The following APBB2 variants were observed in gnomAD, a reference collection of about 807,000 sequenced individuals.
The protein encoded by APBB2 is Fe65-like 1.
In APBB2, 38 loss-of-function variants were observed where a neutral mutation model predicts 82.5. The observed-to-expected ratio is 0.46, with a 90% confidence interval of 0.36 to 0.60. The LOEUF (loss-of-function observed/expected upper bound fraction) is 0.60. Ranked by LOEUF, APBB2 falls within the 20% of genes least tolerant of loss-of-function variation. APBB2 has a pLI of 0.00. For synonymous variants in APBB2, 341 were observed against 368.2 expected, an observed-to-expected ratio of 0.93 and a Z score of 0.85; for missense variants, 772 against 972.3, an observed-to-expected ratio of 0.79 and a Z score of 2.74.
chr4:41,121,813 C>G (rs758496754), intron 2 of APBB2, among the ~76,000 whole-genome samples: 1 of 152,258 alleles, frequency 6.6e-6, no homozygotes, highest in East Asian at 1.9e-4. Flanking sequence ...CCGGATGCAG[C>G]CACGTCTTTG....
At chr4:40,858,859 C>T (rs1033083872) in intron 12 of APBB2, among the ~76,000 whole-genome samples, 8 of 152,210 alleles carry the variant, frequency 5.3e-5, no homozygotes, top group African/African-American at 1.9e-4. Flanking sequence ...GAGTTATTGA[C>T]AGTAAACTGC....
intron 7 of APBB2, among the ~76,000 whole-genome samples, chr4:40,942,964 C>A (rs1488988756): frequency 3.3e-5 from 5 of 152,174 alleles, no homozygotes; most frequent in Non-Finnish European, 7.4e-5. Flanking sequence ...GTCCACACAC[C>A]CCCGCCTGGG....
intron 6 of APBB2, among the ~76,000 whole-genome samples, chr4:41,010,062 G>A (rs1807887212): frequency 6.6e-6 from 1 of 152,136 alleles, no homozygotes; most frequent in African/African-American, 2.4e-5. Context: ...AAAGCAAAGT[G>A]ATTTCATTTC....
Position 40,945,022 on chromosome 4 carries a change from C to T in APBB2, c.887G>A (p.Gly296Asp). 6.2e-7 allele frequency: 1 copy of T among 1,612,200 alleles called. No homozygotes were observed. The highest frequency in any genetic ancestry group is 8.5e-7 in the Non-Finnish European group (1 of 1,179,812). Residue 296 changes from glycine (G) to aspartate (D), a missense_variant, in exon 7 of 18, where the codon GGC becomes GAC. By Grantham distance (94) the Gly-to-Asp change is moderately conservative. Coordinates refer to ENST00000508593, the MANE Select transcript of APBB2 (RefSeq NM_004307.2). ...SFQTDPDLPP[G>D]WKRVSDIAGT... ...GGCAATGTCACTGACTCTTTTCCAG[C>T]CAGGCGGCAAATCTGGATCAGTCTG...
At chr4:41,213,329 A>C (rs1235661133) in intron 1 of APBB2, among the ~76,000 whole-genome samples, 1 of 152,110 alleles carries the variant, frequency 6.6e-6, no homozygotes, top group South Asian at 2.1e-4. Context: ...GGACTTAAAC[A>C]AACTGTCCCC....
At chr4:41,102,303 T>C (rs1745743334) in intron 2 of APBB2, among the ~76,000 whole-genome samples, 1 of 152,234 alleles carries the variant, frequency 6.6e-6, no homozygotes, top group Admixed American at 6.5e-5. Flanking sequence ...CCATTGTTAC[T>C]GCCAACATTT....
At chr4:40,979,982 G>A (rs1034180776) in intron 6 of APBB2, among the ~76,000 whole-genome samples, 2 of 152,132 alleles carry the variant, frequency 1.3e-5, no homozygotes, top group African/African-American at 4.8e-5. Flanking sequence ...AGGTTTTTTG[G>A]AACAAAACCA....
chr4:40,874,675 A>G (rs1446250884), intron 12 of APBB2, among the ~76,000 whole-genome samples: 10 of 152,202 alleles, frequency 6.6e-5, no homozygotes, highest in Admixed American at 6.5e-5. Flanking sequence ...AATGAAGCCA[A>G]TAATATGTCT....
At position 41,139,957 on chromosome 4, in the gene APBB2, T is replaced by G. The variant is rs375943991; in HGVS notation, c.-261+3030A>C. On this transcript the variant is annotated intron_variant, in intron 2 of 17. Coordinates refer to ENST00000508593, the MANE Select transcript of APBB2 (RefSeq NM_004307.2). ...GCTCATCAATTATAATATACCACAC[T>G]AATGCAAGACACTAATGATATAGGA... 1.2e-4 allele frequency among the ~76,000 whole-genome samples: 19 copies of G among 152,276 alleles called. No individual in the cohort carries two copies. The East Asian group carries it at 1.9e-3, about 15-fold the overall frequency.
intron 6 of APBB2, among the ~76,000 whole-genome samples, chr4:40,964,510 C>T (rs531398674): frequency 2.6e-5 from 4 of 151,156 alleles, no homozygotes; most frequent in African/African-American, 7.4e-5. Flanking sequence ...CCAGCAATAT[C>T]GAGAGTGTAT....
chr4:41,140,569 T>C (rs1758826997), intron 2 of APBB2, among the ~76,000 whole-genome samples: 3 of 152,204 alleles, frequency 2.0e-5, no homozygotes, highest in African/African-American at 7.2e-5. Flanking sequence ...TGTGAATACT[T>C]ATCTGGCCTA....
chr4:40,851,158 G>A (rs947907727), intron 12 of APBB2, among the ~76,000 whole-genome samples: 3 of 152,108 alleles, frequency 2.0e-5, no homozygotes, highest in Admixed American at 2.0e-4. Flanking sequence ...ACCAATTGAG[G>A]GACTCTGCAA....
intron 2 of APBB2, among the ~76,000 whole-genome samples, chr4:41,106,712 G>A (rs569856214): frequency 1.3e-5 from 2 of 152,216 alleles, no homozygotes; most frequent in South Asian, 2.1e-4. Flanking sequence ...TCCTGACCTC[G>A]TGATCCGCCC....
At chr4:41,195,441 T>C in intron 1 of APBB2, among the ~76,000 whole-genome samples, 1 of 152,016 alleles carries the variant, frequency 6.6e-6, no homozygotes, top group South Asian at 2.1e-4. Flanking sequence ...CAGAATCCAG[T>C]CATTTCTTGC....
At chr4:40,935,031 G>T in intron 8 of APBB2, 46 bp downstream of exon 8, 1 of 1,399,974 alleles carries the variant, frequency 7.1e-7, no homozygotes, top group Non-Finnish European at 9.7e-7. Flanking sequence ...CAGCCATGCA[G>T]AAAGGATAAA....
chr4:41,105,276 C>T (rs73810829), intron 2 of APBB2, among the ~76,000 whole-genome samples: 1,978 of 152,204 alleles, frequency 0.013, 37 homozygotes, highest in African/African-American at 0.046. Flanking sequence ...CAAAAACAAA[C>T]CCTTATGTTT....
chr4:40,906,349 A>T (rs1412424606), intron 10 of APBB2, among the ~76,000 whole-genome samples: 2 of 151,086 alleles, frequency 1.3e-5, no homozygotes, highest in Non-Finnish European at 2.9e-5. Flanking sequence ...CCAGCTACTC[A>T]GGAGGCTGAG....
At chr4:40,923,878 C>T (rs966457854) in intron 10 of APBB2, among the ~76,000 whole-genome samples, 6 of 152,222 alleles carry the variant, frequency 3.9e-5, no homozygotes, top group African/African-American at 1.4e-4. Context: ...GAAATAACAC[C>T]GTGCTTCTGC....
At chr4:41,138,049 T>C (rs2174871) in intron 2 of APBB2, 86,671 of 151,976 alleles carry the variant, frequency 0.57, 25,027 homozygotes, top group East Asian at 0.76. Flanking sequence ...CACCTGTAGT[T>C]CCAGTTACTC....
Sources: gnomAD v4.1 joint callset for allele counts (sites outside exome capture counted in the v4.1 genomes callset) on GRCh38, gnomAD v4.1.1 for gene constraint, MANE v1.5 for transcripts, NCBI Gene and HGNC (gene_info 2026-07-23, HGNC 2026-07-21) for gene names.